The following ZNF248 variants were observed in gnomAD, a reference collection of about 807,000 sequenced individuals.
The protein encoded by ZNF248 is KRAB protein domain.
Under a neutral mutation model 44.3 loss-of-function variants are expected in ZNF248, and 20 were observed. The ratio of observed to expected loss-of-function variants is 0.45; its 90% confidence interval spans 0.32 to 0.66. ZNF248 has a LOEUF of 0.66. ZNF248 is among the 30% of genes least tolerant of loss of function. ZNF248 has a pLI of 0.04. For synonymous variants in ZNF248, 224 were observed against 229.0 expected (o/e 0.98, Z 0.20); for missense variants, 654 against 677.0 (o/e 0.97, Z 0.38).
At chr10:37,820,526 A>C (rs1268461274) in intron 6 of ZNF248, 1 of 1,601,632 alleles carries the variant, frequency 6.2e-7, no homozygotes, top group African/African-American at 1.3e-5. Context: ...GGATCGTGCA[A>C]CTGGTGCAAC....
chr10:37,783,607 C>T (rs2047555786), intron 6 of ZNF248, among the ~76,000 whole-genome samples: 1 of 152,164 alleles, frequency 6.6e-6, no homozygotes, highest in Non-Finnish European at 1.5e-5. Context: ...AAACATTTGG[C>T]TTACACAATA....
chr10:37,772,041 C>T (rs957025515), downstream of ZNF248, among the ~76,000 whole-genome samples: 18 of 152,052 alleles, frequency 1.2e-4, no homozygotes, highest in East Asian at 7.7e-4. Flanking sequence ...CCAAGGCAGG[C>T]GGATCACGAT....
At chr10:37,787,402 T>TAA (rs904398364) in intron 6 of ZNF248, among the ~76,000 whole-genome samples, 1 of 152,026 alleles carries the variant, frequency 6.6e-6, no homozygotes, top group Non-Finnish European at 1.5e-5. Flanking sequence ...TAATGGAAAT[T>TAA]AATTGAGTCC....
chr10:37,763,372 G>A, the ZNF248 span, among the ~76,000 whole-genome samples: 28 of 152,190 alleles, frequency 1.8e-4, no homozygotes, highest in Non-Finnish European at 4.1e-4. Flanking sequence ...TGGCTCCAGC[G>A]AGTGATCTCC....
chr10:37,773,239 C>T (rs377026228), downstream of ZNF248, among the ~76,000 whole-genome samples: 19 of 151,900 alleles, frequency 1.3e-4, no homozygotes, highest in African/African-American at 3.4e-4. Context: ...AACAAGACTC[C>T]GTCTAAAAAA....
chr10:37,781,339 T>C (rs2132894052), intron 6 of ZNF248, among the ~76,000 whole-genome samples: 1 of 152,326 alleles, frequency 6.6e-6, no homozygotes, highest in Non-Finnish European at 1.5e-5. Context: ...TGACAGGGTT[T>C]TGGACTTGTT....
At chr10:37,772,873 A>T (rs145889312), downstream of ZNF248, among the ~76,000 whole-genome samples, 296 of 152,350 alleles carry the variant, frequency 1.9e-3, 1 homozygote, top group Admixed American at 3.3e-3. Context: ...CACCTACATG[A>T]ATCAAACCAA....
intron 3 of ZNF248, among the ~76,000 whole-genome samples, chr10:37,846,631 G>T (rs1307580558): frequency 6.6e-6 from 1 of 152,174 alleles, no homozygotes; most frequent in Non-Finnish European, 1.5e-5. Flanking sequence ...AGGGCACACA[G>T]CAAGATCCTG....
At chr10:37,806,176 G>GA (rs1466077852) in intron 6 of ZNF248, among the ~76,000 whole-genome samples, 2 of 152,198 alleles carry the variant, frequency 1.3e-5, no homozygotes, top group African/African-American at 4.8e-5. Context: ...ACATGGGTGT[G>GA]AAAATATCTT....
downstream of ZNF248, among the ~76,000 whole-genome samples, chr10:37,826,579 T>C (rs2054426808): frequency 6.6e-6 from 1 of 152,210 alleles, no homozygotes; most frequent in African/African-American, 2.4e-5. Flanking sequence ...AACTTTAAAA[T>C]ATTTTTAACT....
chr10:37,769,744 T>C, the ZNF248 span, among the ~76,000 whole-genome samples: 2 of 152,166 alleles, frequency 1.3e-5, no homozygotes, highest in Non-Finnish European at 2.9e-5. Context: ...ACCACTCCTA[T>C]TCAACATAGT....
At chr10:37,819,194 T>C (rs1313639513) in intron 6 of ZNF248, 2 of 799,060 alleles carry the variant, frequency 2.5e-6, no homozygotes, top group African/African-American at 1.7e-5. Context: ...CTTTAAAGCA[T>C]TTACAGTCTG....
chr10:37,824,672 A>ATTTTTTTTTTTTTTTTTTTTTTT (rs1564542451), downstream of ZNF248, among the ~76,000 whole-genome samples: 6 of 61,298 alleles, frequency 9.8e-5, no homozygotes, highest in African/African-American at 3.4e-4. Flanking sequence ...AATTATTTTA[A>ATTTTTTTTTTTTTTTTTTTTTTT]ATTTTTTTTT....
At chr10:37,851,307 A>G (rs1169983821) in intron 3 of ZNF248, among the ~76,000 whole-genome samples, 4 of 152,172 alleles carry the variant, frequency 2.6e-5, no homozygotes, top group African/African-American at 9.7e-5. Context: ...ACTGAAGACA[A>G]CTTGAGAACT....
chr10:37,775,952 G>A (rs892755640), downstream of ZNF248, among the ~76,000 whole-genome samples: 1 of 152,154 alleles, frequency 6.6e-6, no homozygotes, highest in African/African-American at 2.4e-5. Flanking sequence ...TTACAAACTG[G>A]ATGAGTCTGG....
At position 37,830,170 on chromosome 10, in the gene ZNF248, T is replaced by C. The variant is rs1157984451; in HGVS notation, c.*1445A>G. On this transcript the variant is annotated 3_prime_UTR_variant, in exon 6 of 6. Transcript: ENST00000395867. Reference sequence around the variant, plus strand: ...CCTTTCATTACATACCGCCACTTTTTGAGGAGTGCAGTGTTACTGCTTGTT... The same window carrying C: ...CCTTTCATTACATACCGCCACTTTTCGAGGAGTGCAGTGTTACTGCTTGTT... 44 of 985,278 alleles carry C rather than the reference T, an allele frequency of 4.5e-5. No homozygotes were observed. Among genetic ancestry groups the C allele is most frequent in the South Asian group, 9.4e-5 (2 of 21,288 alleles). The allele number at this position is 985,278 out of a possible 1,614,324, so 61.0% of individuals were successfully genotyped here.
downstream of ZNF248, among the ~76,000 whole-genome samples, chr10:37,771,661 T>C (rs2046236943): frequency 2.0e-5 from 3 of 150,050 alleles, no homozygotes; most frequent in African/African-American, 7.3e-5. Flanking sequence ...CATTAGGAGA[T>C]ATATCTAATG....
intron 6 of ZNF248, chr10:37,803,731 C>G (rs2050123917): frequency 6.6e-6 from 1 of 152,594 alleles, no homozygotes; most frequent in South Asian, 2.1e-4. Flanking sequence ...TTGGAACCTT[C>G]AATCTGACCT....
intron 6 of ZNF248, among the ~76,000 whole-genome samples, chr10:37,817,972 G>GT (rs2052796536): frequency 6.6e-6 from 1 of 152,088 alleles, no homozygotes; most frequent in Non-Finnish European, 1.5e-5. Context: ...CTGGAGTGCA[G>GT]TGGCGTGATC....
Sources: allele counts gnomAD v4.1 joint callset (sites outside exome capture counted in the v4.1 genomes callset), GRCh38; gene constraint gnomAD v4.1.1; transcripts MANE v1.5; gene names NCBI Gene and HGNC (gene_info 2026-07-23, HGNC 2026-07-21).